LTBP1: variants seen among roughly 807,000 people sequenced by gnomAD.
LTBP1 encodes the protein latent transforming growth factor beta binding protein 1.
In LTBP1, 129 loss-of-function variants were observed where a neutral mutation model predicts 207.6. The observed-to-expected ratio is 0.62, with a 90% CI of 0.54 to 0.72. The LOEUF is 0.72. LTBP1 is among the 30% of genes least tolerant of loss of function. The pLI is 0.00. For synonymous variants in LTBP1, 963 were observed against 833.7 expected (o/e 1.16, Z -2.67); for missense variants, 2,281 against 2,217.2 (o/e 1.03, Z -0.58).
chr2:32,952,371 G>T (rs137954081), intron 2 of LTBP1, among the ~76,000 whole-genome samples: 2 of 152,206 alleles, frequency 1.3e-5, no homozygotes, highest in Non-Finnish European at 2.9e-5. Flanking sequence ...GAGATGCCTG[G>T]TTGCATGTTA....
At chr2:33,150,591 A>T (rs1379177120) in intron 5 of LTBP1, among the ~76,000 whole-genome samples, 1 of 150,372 alleles carries the variant, frequency 6.7e-6, no homozygotes, top group East Asian at 1.9e-4. Flanking sequence ...GCCTCTGGTC[A>T]CCCCTGTTCT....
chr2:33,249,080 A>G (rs1025649425), intron 10 of LTBP1, among the ~76,000 whole-genome samples: 7 of 152,134 alleles, frequency 4.6e-5, no homozygotes, highest in Non-Finnish European at 1.0e-4. Flanking sequence ...ATGATTAAGG[A>G]TATTACAGAT....
chr2:33,105,785 G>T (rs1456272069), intron 3 of LTBP1, among the ~76,000 whole-genome samples: 3 of 152,124 alleles, frequency 2.0e-5, no homozygotes, highest in African/African-American at 7.2e-5. Context: ...GAGTGATCAA[G>T]GTGGTGGGTG....
At chr2:33,303,440 C>T (rs901008725) in intron 22 of LTBP1, among the ~76,000 whole-genome samples, 2 of 151,634 alleles carry the variant, frequency 1.3e-5, no homozygotes, top group Non-Finnish European at 2.9e-5. Flanking sequence ...AGCTTCGCCT[C>T]CCAGGTTCAC....
chr2:32,968,847 C>T (rs1680383755), intron 2 of LTBP1, among the ~76,000 whole-genome samples: 1 of 151,254 alleles, frequency 6.6e-6, no homozygotes, highest in Non-Finnish European at 1.5e-5. Context: ...ACTCAGCCTC[C>T]CAAGTAGCTG....
intron 5 of LTBP1, among the ~76,000 whole-genome samples, chr2:33,148,014 C>A (rs1458150959): frequency 3.3e-5 from 5 of 152,192 alleles, no homozygotes; most frequent in East Asian, 1.9e-4. Flanking sequence ...TAGCCCAAAT[C>A]CCATAACAGG....
chr2:33,088,469 A>AT (rs1558620752), intron 3 of LTBP1, among the ~76,000 whole-genome samples: 1 of 152,102 alleles, frequency 6.6e-6, no homozygotes, highest in African/African-American at 2.4e-5. Context: ...GAAAAAAAAA[A>AT]GGACCAGTGT....
chr2:33,339,798 A>G (rs974167793), intron 24 of LTBP1, among the ~76,000 whole-genome samples: 12 of 151,814 alleles, frequency 7.9e-5, no homozygotes, highest in Admixed American at 2.0e-4. Flanking sequence ...GTCATGCACC[A>G]CCACACCCGG....
intron 3 of LTBP1, among the ~76,000 whole-genome samples, chr2:33,036,456 G>GTTTTT (rs58538593): frequency 1.3e-5 from 2 of 148,612 alleles, no homozygotes. Context: ...CATGATGAAC[G>GTTTTT]TTTTTTTTTT....
At chr2:33,052,311 G>A (rs2076785659) in intron 3 of LTBP1, among the ~76,000 whole-genome samples, 1 of 152,192 alleles carries the variant, frequency 6.6e-6, no homozygotes, top group Non-Finnish European at 1.5e-5. Flanking sequence ...TTGAAGAGGT[G>A]TCCTCTAATG....
At chr2:32,971,868 G>A (rs1680934357) in intron 2 of LTBP1, among the ~76,000 whole-genome samples, 1 of 152,124 alleles carries the variant, frequency 6.6e-6, no homozygotes, top group African/African-American at 2.4e-5. Context: ...AGTTTCAGTA[G>A]GAATGGTACA....
chr2:33,201,520 C>G (rs900754184), intron 7 of LTBP1, among the ~76,000 whole-genome samples: 2 of 151,734 alleles, frequency 1.3e-5, no homozygotes, highest in Non-Finnish European at 1.5e-5. Flanking sequence ...GGAGATATAC[C>G]TAATGCTAAA....
At chr2:33,263,201 T>A (rs1280466414) in intron 14 of LTBP1, 93 bp from the exon 15 acceptor site, 9 of 774,080 alleles carry the variant, frequency 1.2e-5, no homozygotes, top group Non-Finnish European at 2.1e-5. Flanking sequence ...CTGTGATATA[T>A]TGCTAGACTA....
At chr2:33,322,840 A>G (rs1272209887) in intron 24 of LTBP1, among the ~76,000 whole-genome samples, 1 of 152,156 alleles carries the variant, frequency 6.6e-6, no homozygotes, top group East Asian at 1.9e-4. Context: ...TCTTTCTCAG[A>G]TTCACTCACC....
intron 24 of LTBP1, among the ~76,000 whole-genome samples, chr2:33,338,599 C>T (rs2094579412): frequency 6.6e-6 from 1 of 152,034 alleles, no homozygotes; most frequent in Non-Finnish European, 1.5e-5. Flanking sequence ...AGAGGAGAGG[C>T]CCTGAGATCT....
intron 19 of LTBP1, among the ~76,000 whole-genome samples, chr2:33,284,305 A>G (rs1160941622): frequency 6.6e-6 from 1 of 152,200 alleles, no homozygotes; most frequent in Non-Finnish European, 1.5e-5. Context: ...ACAATCCCTC[A>G]TCCTCAATAG....
At chr2:33,393,984 G>C (rs578104259) in intron 32 of LTBP1, among the ~76,000 whole-genome samples, 4,040 of 135,642 alleles carry the variant, frequency 0.03, 213 homozygotes, top group Non-Finnish European at 0.041. Context: ...GATCGCCATT[G>C]TAATTGGTGT....
chr2:33,254,555 T>TTG (rs921831621), intron 11 of LTBP1, among the ~76,000 whole-genome samples: 13 of 148,828 alleles, frequency 8.7e-5, no homozygotes, highest in Non-Finnish European at 1.6e-4. Context: ...CTTGGTTTTT[T>TTG]TTTTTTTTTT....
intron 1 of LTBP1, 109 bp downstream of exon 1, chr2:32,947,927 G>C: frequency 1.0e-6 from 1 of 993,764 alleles, no homozygotes; most frequent in Non-Finnish European, 1.3e-6. Flanking sequence ...GGGCGGTCGC[G>C]CGCGGTGGGT....
Sources: gnomAD v4.1 joint callset for allele counts (sites outside exome capture counted in the v4.1 genomes callset) on GRCh38, gnomAD v4.1.1 for gene constraint, MANE v1.5 for transcripts, NCBI Gene and HGNC (gene_info 2026-07-23, HGNC 2026-07-21) for gene names.